The following RCSD1 variants were observed in gnomAD, a reference collection of about 807,000 sequenced individuals.
The protein encoded by RCSD1 is capZ-interacting protein.
In RCSD1, 26 loss-of-function variants were observed where a neutral mutation model predicts 42.5. The ratio of observed to expected loss-of-function variants is 0.61; its 90% confidence interval spans 0.45 to 0.85. The LOEUF is 0.85. Ranked by LOEUF, RCSD1 falls within the 40% of genes least tolerant of loss-of-function variation. The probability of loss-of-function intolerance (pLI) is 0.00; values close to 1 mark genes in which losing one functional copy is unlikely to be tolerated. For synonymous variants in RCSD1, 220 were observed against 212.2 expected (o/e 1.04, Z -0.32); for missense variants, 571 against 528.3 (o/e 1.08, Z -0.79).
intron 1 of RCSD1, chr1:167,642,140 A>G (rs1286176626): frequency 2.6e-5 from 4 of 152,218 alleles, no homozygotes; most frequent in African/African-American, 9.6e-5. Context: ...CCAATTAACC[A>G]TAGGGGCAGG....
intron 1 of RCSD1, among the ~76,000 whole-genome samples, chr1:167,674,911 A>G (rs368863811): frequency 9.9e-5 from 15 of 152,182 alleles, no homozygotes; most frequent in Admixed American, 7.2e-4. Context: ...CATGCTGCTA[A>G]TAAAGACATA....
At chr1:167,654,278 G>A (rs1658375026) in intron 1 of RCSD1, among the ~76,000 whole-genome samples, 1 of 152,172 alleles carries the variant, frequency 6.6e-6, no homozygotes, top group African/African-American at 2.4e-5. Context: ...TTTTACTGGG[G>A]AACTTATGGA....
rs150776919 is a variant in RCSD1, at chr1:167,667,835, T to C, written c.7-16065T>C. On this transcript the variant is annotated intron_variant, in intron 1 of 6. Transcript: ENST00000367854. Reference sequence around the variant, plus strand: ...TCAATCCCTCACAATGTTGCCCCAGTGGTATTGGTTTACGGAGGCATCATT... The same window carrying C: ...TCAATCCCTCACAATGTTGCCCCAGCGGTATTGGTTTACGGAGGCATCATT... Among the ~76,000 whole-genome samples, 441 of 152,302 alleles carry C rather than the reference T, an allele frequency of 2.9e-3. 1 individual carries two copies. Among genetic ancestry groups the C allele is most frequent in the African/African-American group, 0.01 (424 of 41,546 alleles).
intron 1 of RCSD1, among the ~76,000 whole-genome samples, chr1:167,676,928 C>G (rs1658965210): frequency 6.6e-6 from 1 of 152,224 alleles, no homozygotes; most frequent in African/African-American, 2.4e-5. Context: ...GGGACACACT[C>G]CCAGGCTCAA....
chr1:167,677,496 C>A (rs555613722), intron 1 of RCSD1, among the ~76,000 whole-genome samples: 3 of 152,098 alleles, frequency 2.0e-5, no homozygotes, highest in Admixed American at 6.5e-5. Flanking sequence ...GATGTTGAAG[C>A]CTTTAATATT....
chr1:167,664,131 C>G (rs1171249937), intron 1 of RCSD1: 2 of 152,204 alleles, frequency 1.3e-5, no homozygotes, highest in African/African-American at 4.8e-5. Context: ...AGAGTCTGAA[C>G]AGTTAAGTCA....
intron 6 of RCSD1, among the ~76,000 whole-genome samples, chr1:167,699,948 C>T (rs990644251): frequency 3.9e-5 from 6 of 152,212 alleles, no homozygotes; most frequent in Non-Finnish European, 7.3e-5. Context: ...TCCATCCCAT[C>T]AGTTATTTTC....
chr1:167,660,406 C>T (rs911424500), intron 1 of RCSD1, among the ~76,000 whole-genome samples: 1 of 152,150 alleles, frequency 6.6e-6, no homozygotes, highest in Non-Finnish European at 1.5e-5. Context: ...CTGTGCTGCT[C>T]CTTGGGCTGT....
chr1:167,630,346 G>T lies in RCSD1; in HGVS notation c.-78G>T. 1 of 1,358,314 alleles carries T rather than the reference G, an allele frequency of 7.4e-7. No homozygotes were observed. The highest frequency in any genetic ancestry group is 1.8e-5 in the South Asian group (1 of 54,514). 84.1% of individuals were successfully genotyped at this position (1,358,314 alleles called of 1,614,324 possible). On this transcript the variant is annotated 5_prime_UTR_variant, in exon 1 of 7. Transcript: ENST00000367854. Reference sequence around the variant, plus strand: ...AGCCCGAAACTGGCCACGGCCGGGAGCGGAGGGGACAGCGGGGATCGTGAG... The same window carrying T: ...AGCCCGAAACTGGCCACGGCCGGGATCGGAGGGGACAGCGGGGATCGTGAG...
intron 1 of RCSD1, among the ~76,000 whole-genome samples, chr1:167,642,672 C>T (rs3738227): frequency 0.15 from 23,140 of 152,096 alleles, 2,130 homozygotes; most frequent in Non-Finnish European, 0.19. Flanking sequence ...GGGAGGTGAA[C>T]GTCTTTGTGG....
rs200248496 is a variant in RCSD1 at position 167,697,699 on chromosome 1, G to A, written c.1075G>A (p.Gly359Arg). ...PHSPPGGVKG[G>R]DVPKQEKGKE... ...CAGTCCCCCTGGAGGAGTGAAGGGC[G>A]GAGATGTCCCCAAGCAGGAAAAAGG... Residue 359 changes from glycine (G) to arginine (R), a missense_variant, in exon 6 of 7, where the codon GGA becomes AGA. Transcript: ENST00000367854. 2.5e-5 allele frequency: 40 copies of A among 1,601,240 alleles called. No homozygotes were observed. Among genetic ancestry groups the A allele is most frequent in the Middle Eastern group, 1.7e-4 (1 of 6,042 alleles).
intron 1 of RCSD1, among the ~76,000 whole-genome samples, chr1:167,639,333 A>T (rs1461478517): frequency 6.6e-6 from 1 of 152,142 alleles, no homozygotes; most frequent in East Asian, 1.9e-4. Flanking sequence ...ATATATAATG[A>T]CTTTATTGAT....
chr1:167,661,783 G>A (rs1032796625), intron 1 of RCSD1, among the ~76,000 whole-genome samples: 3 of 152,224 alleles, frequency 2.0e-5, no homozygotes, highest in African/African-American at 7.2e-5. Flanking sequence ...GATTCCTCAT[G>A]CCTTTGGTGG....
At chr1:167,675,719 T>A (rs566832936) in intron 1 of RCSD1, among the ~76,000 whole-genome samples, 1 of 152,288 alleles carries the variant, frequency 6.6e-6, no homozygotes, top group Admixed American at 6.5e-5. Context: ...ACCACGCACA[T>A]CCATCTCTCA....
rs1659816026 is a variant in RCSD1, at chr1:167,708,684, G to A, written c.*3988G>A. On this transcript the variant is annotated 3_prime_UTR_variant, in exon 7 of 7. Coordinates refer to ENST00000367854, the MANE Select transcript of RCSD1 (RefSeq NM_052862.4). ...CATAGTAGGTATTCAATAAATATTT[G>A]TTAAATCATGAATGACTGAATTGAT... 1.3e-5 allele frequency among the ~76,000 whole-genome samples: 2 copies of A among 152,164 alleles called. No individual in the cohort carries two copies. The highest frequency in any genetic ancestry group is 4.1e-4 in the South Asian group (2 of 4,830).
At chr1:167,674,636 T>C (rs1658896596) in intron 1 of RCSD1, among the ~76,000 whole-genome samples, 1 of 152,228 alleles carries the variant, frequency 6.6e-6, no homozygotes, top group Non-Finnish European at 1.5e-5. Flanking sequence ...ACCTCCTGTC[T>C]TCCTATCTCC....
At chr1:167,644,656 C>T (rs1031621185) in intron 1 of RCSD1, among the ~76,000 whole-genome samples, 2 of 152,070 alleles carry the variant, frequency 1.3e-5, no homozygotes, top group Non-Finnish European at 2.9e-5. Context: ...AGTAGAGCTC[C>T]CCTTCCACTT....
At chr1:167,704,418 T>A (rs1659710880) in intron 6 of RCSD1, among the ~76,000 whole-genome samples, 1 of 152,226 alleles carries the variant, frequency 6.6e-6, no homozygotes, top group Admixed American at 6.5e-5. Context: ...AACCTCTCTG[T>A]GCCTTCATTG....
At chr1:167,634,276 G>A (rs191783997) in intron 1 of RCSD1, among the ~76,000 whole-genome samples, 3 of 152,294 alleles carry the variant, frequency 2.0e-5, no homozygotes, top group African/African-American at 7.2e-5. Context: ...CACCCCGGAA[G>A]GCTCCTTGAG....
Sources: gnomAD v4.1 joint callset for allele counts (sites outside exome capture counted in the v4.1 genomes callset) on GRCh38, gnomAD v4.1.1 for gene constraint, MANE v1.5 for transcripts, NCBI Gene and HGNC (gene_info 2026-07-23, HGNC 2026-07-21) for gene names.